Variants in MCU observed in about 807,000 individuals in gnomAD.
The protein encoded by MCU is mitochondrial calcium uniporter.
A neutral mutation model predicts 45.2 loss-of-function variants in MCU; 12 were observed. The ratio of observed to expected loss-of-function variants is 0.27; its 90% CI spans 0.17 to 0.43. The LOEUF is 0.43. Among genes scored for constraint, MCU ranks in the 20% least tolerant of loss-of-function variants. The pLI is 1.00. For synonymous variants in MCU, 160 were observed against 165.1 expected (o/e 0.97, Z 0.24); for missense variants, 324 against 436.7 (o/e 0.74, Z 2.30).
At chr10:72,710,229 G>A in intron 1 of MCU, among the ~76,000 whole-genome samples, 1 of 152,122 alleles carries the variant, frequency 6.6e-6, no homozygotes, top group East Asian at 1.9e-4. Context: ...GCCCCCCTCA[G>A]CCTCCCAAAG....
intron 1 of MCU, among the ~76,000 whole-genome samples, chr10:72,800,622 A>G (rs545996319): frequency 1.2e-4 from 19 of 152,352 alleles, no homozygotes; most frequent in South Asian, 2.1e-4. Flanking sequence ...TGTTCTTTCA[A>G]TTTGAAAGGC....
At chr10:72,871,014 C>T (rs1045346220) in intron 5 of MCU, among the ~76,000 whole-genome samples, 1 of 152,186 alleles carries the variant, frequency 6.6e-6, no homozygotes, top group Non-Finnish European at 1.5e-5. Flanking sequence ...GATTCACCCA[C>T]CCCAGCCTCC....
At chr10:72,850,259 A>C (rs1845187909) in intron 2 of MCU, among the ~76,000 whole-genome samples, 2 of 152,184 alleles carry the variant, frequency 1.3e-5, no homozygotes, top group African/African-American at 2.4e-5. Flanking sequence ...GCCTTCCAAC[A>C]CTGAAATTCT....
At chr10:72,862,046 A>G (rs937187955) in intron 4 of MCU, among the ~76,000 whole-genome samples, 16 of 150,634 alleles carry the variant, frequency 1.1e-4, no homozygotes, top group African/African-American at 3.9e-4. Context: ...CAGTGGCACA[A>G]TATCGGCTCA....
intron 1 of MCU, among the ~76,000 whole-genome samples, chr10:72,784,737 G>C (rs1327330463): frequency 6.6e-6 from 1 of 152,136 alleles, no homozygotes; most frequent in Non-Finnish European, 1.5e-5. Context: ...GTGTGAGTGA[G>C]GGCTGGCTGT....
At chr10:72,815,859 G>C (rs1157323914) in intron 1 of MCU, among the ~76,000 whole-genome samples, 1 of 152,066 alleles carries the variant, frequency 6.6e-6, no homozygotes, top group Non-Finnish European at 1.5e-5. Flanking sequence ...TATACTTTCA[G>C]AATAGATTAT....
intron 6 of MCU, among the ~76,000 whole-genome samples, chr10:72,878,498 A>T (rs1056771169): frequency 3.3e-5 from 5 of 152,162 alleles, no homozygotes; most frequent in Non-Finnish European, 5.9e-5. Context: ...AGACATTACA[A>T]ACAGACACAA....
intron 1 of MCU, among the ~76,000 whole-genome samples, chr10:72,816,220 A>T (rs1429579677): frequency 6.6e-6 from 1 of 152,176 alleles, no homozygotes; most frequent in Non-Finnish European, 1.5e-5. Context: ...CTGGTATGCC[A>T]TATGATTCAA....
chr10:72,773,381 T>C (rs886126322), intron 1 of MCU, among the ~76,000 whole-genome samples: 4 of 152,076 alleles, frequency 2.6e-5, no homozygotes, highest in African/African-American at 9.7e-5. Flanking sequence ...AATGGCAGAA[T>C]GGATCAAGCA....
At chr10:72,790,275 T>C (rs938005468) in intron 1 of MCU, among the ~76,000 whole-genome samples, 17 of 152,190 alleles carry the variant, frequency 1.1e-4, no homozygotes, top group African/African-American at 4.1e-4. Context: ...ATTCCCTGAA[T>C]CTGTACCCAC....
Position 72,692,222 on chromosome 10 carries a change from G to C in MCU, c.71G>C (p.Gly24Ala), listed in dbSNP as rs1642731582. ...SSRGGGGGGA[G>A]GCGALTAGCF... The stretch of plus-strand genomic sequence containing the variant: ...CGGGGCGGCGGCGGCGGGGGCGCCG[G>C]CGGCTGCGGGGCGCTGACTGCCGGC... Residue 24 changes from glycine (G) to alanine (A), a missense_variant, in exon 1 of 8, where the codon GGC becomes GCC. Physicochemically the swap from Gly to Ala is moderately conservative, Grantham distance 60. This residue lies in a region of MCU where 111 missense variants were observed against 112.3 expected (regional missense o/e 0.99). Coordinates refer to ENST00000373053, the MANE Select transcript of MCU (RefSeq NM_138357.3). 2 of 1,245,568 alleles carry C rather than the reference G, an allele frequency of 1.6e-6. No homozygotes were observed. Among genetic ancestry groups the C allele is most frequent in the South Asian group, 4.1e-5 (1 of 24,600 alleles). 77.2% of individuals were successfully genotyped at this position (1,245,568 alleles called of 1,614,324 possible).
Position 72,692,185 on chromosome 10 carries a change from C to G in MCU, c.34C>G (p.Leu12Val). ...AAAAGRSLLL[L>V]LSSRGGGGGG... ...CGCCGCAGGTAGATCGCTCCTGCTGCTCCTCTCCTCTCGGGGCGGCGGCGG... is the reference window on the plus strand; with the variant it reads ...CGCCGCAGGTAGATCGCTCCTGCTGGTCCTCTCCTCTCGGGGCGGCGGCGG... Residue 12 changes from leucine (L) to valine (V), a missense_variant, in exon 1 of 8, where the codon CTC becomes GTC. Physicochemically the swap from Leu to Val is conservative, Grantham distance 32. Coordinates refer to ENST00000373053, the MANE Select transcript of MCU (RefSeq NM_138357.3). 7.8e-7 allele frequency: 1 copy of G among 1,277,312 alleles called. No individual in the cohort carries two copies. The highest frequency in any genetic ancestry group is 3.7e-5 in the South Asian group (1 of 26,928). 79.1% of individuals were successfully genotyped at this position (1,277,312 alleles called of 1,614,324 possible).
chr10:72,882,793 A>G (rs2132903943), intron 6 of MCU, among the ~76,000 whole-genome samples: 1 of 152,160 alleles, frequency 6.6e-6, no homozygotes, highest in East Asian at 1.9e-4. Flanking sequence ...TGTGACCCAC[A>G]CCCTATTCGT....
chr10:72,755,134 T>C (rs914370889), intron 1 of MCU, among the ~76,000 whole-genome samples: 9 of 149,528 alleles, frequency 6.0e-5, no homozygotes, highest in Admixed American at 1.4e-4. Context: ...TTACTAGATA[T>C]GTGAACCTGA....
chr10:72,879,417 A>G (rs891739041), intron 6 of MCU, among the ~76,000 whole-genome samples: 4 of 152,234 alleles, frequency 2.6e-5, no homozygotes, highest in Non-Finnish European at 5.9e-5. Flanking sequence ...TGACTTCTCA[A>G]TAGCAGCAAT....
At chr10:72,721,695 A>G (rs752000568) in intron 1 of MCU, among the ~76,000 whole-genome samples, 11 of 152,208 alleles carry the variant, frequency 7.2e-5, no homozygotes, top group Non-Finnish European at 1.3e-4. Flanking sequence ...ATCTCCTTGC[A>G]TGAAAATTTT....
At chr10:72,880,847 G>A (rs1273444775) in intron 6 of MCU, among the ~76,000 whole-genome samples, 1 of 152,184 alleles carries the variant, frequency 6.6e-6, no homozygotes, top group Non-Finnish European at 1.5e-5. Context: ...AAGATGGCAG[G>A]CCAGGCATGA....
rs192441199 is a variant in MCU, at chr10:72,773,990, A to G, written c.151-60369A>G. Among the ~76,000 whole-genome samples, 375 of 152,366 alleles carry G rather than the reference A, an allele frequency of 2.5e-3. 1 individual carries two copies. The highest frequency in any genetic ancestry group is 8.5e-3 in the African/African-American group (355 of 41,600). ...ATGCTAAAGGGAATTCTTCAATCTG[A>G]AAGAAAACATAAACCAACAAACCAC... is the stretch of plus-strand genomic sequence containing the variant. On this transcript the variant is annotated intron_variant, in intron 1 of 7. Coordinates refer to ENST00000373053, the MANE Select transcript of MCU (RefSeq NM_138357.3).
intron 1 of MCU, among the ~76,000 whole-genome samples, chr10:72,769,833 A>G (rs1381016642): frequency 6.6e-6 from 1 of 152,136 alleles, no homozygotes; most frequent in Non-Finnish European, 1.5e-5. Context: ...CTGTGGATTT[A>G]CCTACTGTGG....
Sources: allele counts gnomAD v4.1 joint callset (sites outside exome capture counted in the v4.1 genomes callset), GRCh38; gene constraint gnomAD v4.1.1; regional missense constraint gnomAD v4.1.1; transcripts MANE v1.5; gene names NCBI Gene and HGNC (gene_info 2026-07-23, HGNC 2026-07-21).